GPR101: variants seen among roughly 807,000 people sequenced by gnomAD.
The protein encoded by GPR101 is G protein-coupled receptor 101.
In GPR101, 8 loss-of-function variants were observed where a neutral mutation model predicts 16.4. The ratio of observed to expected loss-of-function variants is 0.49; its 90% CI spans 0.29 to 0.88. The LOEUF (loss-of-function observed/expected upper bound fraction) is 0.88, where lower values mean the gene tolerates loss of function less well. Ranked by LOEUF, GPR101 falls within the 40% of genes least tolerant of loss-of-function variation. The probability of loss-of-function intolerance (pLI) is 0.09; values close to 1 mark genes in which losing one functional copy is unlikely to be tolerated. For synonymous variants in GPR101, 155 were observed against 168.7 expected, an observed-to-expected ratio of 0.92 and a Z score of 0.63; for missense variants, 375 against 411.7, an observed-to-expected ratio of 0.91 and a Z score of 0.77.
chrX:137,033,691 G>C (rs1251371573), intron 1 of GPR101, among the ~76,000 whole-genome samples, 111 bp downstream of exon 1: 7 of 112,528 alleles, frequency 6.2e-5, no homozygotes, highest in Non-Finnish European at 1.1e-4. Flanking sequence ...ACCGCGCCTG[G>C]TAGCTCAGCA....
At position 137,030,315 on chromosome X, in the gene GPR101, A is replaced by G; in HGVS notation, c.1360T>C (p.Tyr454His). ...TTAATGGTCTTGTGCATGTAGCCATAGACATAGGGGTGGATGCAGCACTGC... is the reference window on the plus strand; with the variant it reads ...TTAATGGTCTTGTGCATGTAGCCATGGACATAGGGGTGGATGCAGCACTGC... ...FLQCCIHPYV[Y>H]GYMHKTIKKE... is the part of the protein sequence containing the mutation. Residue 454 changes from tyrosine to histidine, a missense_variant, in exon 2 of 2, where the codon TAT becomes CAT. By Grantham distance (83) the Tyr-to-His change is moderately conservative. Transcript: ENST00000651716. 8.3e-7 allele frequency: 1 copy of G among 1,211,185 alleles called. No homozygotes were observed. Among genetic ancestry groups the G allele is most frequent in the Non-Finnish European group, 1.1e-6 (1 of 895,273 alleles).
chrX:137,030,942 C>T lies in GPR101; in HGVS notation c.733G>A (p.Glu245Lys). The stretch of plus-strand genomic sequence containing the variant: ...TTCTTCTCTGCTCCCTCTTCATCCT[C>T]ATTCTCCACACAGTCCTTGACTCGC... Reference protein sequence around the residue: ...EVRVKDCVENEDEEGAEKKEE... With the variant: ...EVRVKDCVENKDEEGAEKKEE... Residue 245 changes from glutamate (E) to lysine (K), a missense_variant, in exon 2 of 2, where the codon GAG becomes AAG. By Grantham distance (56) the Glu-to-Lys change is moderately conservative. Coordinates refer to ENST00000651716, the MANE Select transcript of GPR101 (RefSeq NM_054021.2). 8.3e-7 allele frequency: 1 copy of T among 1,212,102 alleles called. No homozygotes were observed.
Position 137,030,305 on chromosome X carries a change from A to T in GPR101, c.1370T>A (p.Met457Lys), listed in dbSNP as rs1422622910. ...CCIHPYVYGY[M>K]HKTIKKEIQD... ...GATTTCCTTCTTAATGGTCTTGTGC[A>T]TGTAGCCATAGACATAGGGGTGGAT... Residue 457 changes from methionine to lysine, a missense_variant, in exon 2 of 2, where the codon ATG becomes AAG. Coordinates refer to ENST00000651716, the MANE Select transcript of GPR101 (RefSeq NM_054021.2). 7 of 1,211,436 alleles carry T rather than the reference A, an allele frequency of 5.8e-6. No individual in the cohort carries two copies. Among genetic ancestry groups the T allele is most frequent in the Non-Finnish European group, 7.8e-6 (7 of 895,384 alleles).
rs1446765696 is a variant in GPR101 at position 137,031,182 on chromosome X, G to C, written c.493C>G (p.Pro165Ala). The change falls in exon 2 of 2, where the codon CCT becomes GCT. Residue 165 changes from proline (P) to alanine (A), a missense_variant. Coordinates refer to ENST00000651716, the MANE Select transcript of GPR101 (RefSeq NM_054021.2). Reference protein sequence around the residue: ...TWIVAILQSTPPLYGWGQAAF... With the variant: ...TWIVAILQSTAPLYGWGQAAF... ...GCCTGGCCCCAGCCGTAGAGTGGAGGAGTGCTCTGCAGGATGGCCACAATC... is the reference window on the plus strand; with the variant it reads ...GCCTGGCCCCAGCCGTAGAGTGGAGCAGTGCTCTGCAGGATGGCCACAATC... 11 of 1,212,079 alleles carry C rather than the reference G, an allele frequency of 9.1e-6. 1 individual carries two copies. In the South Asian group the frequency reaches 1.9e-4, roughly 21 times the overall value.
In GPR101 at chrX:137,030,618, T is replaced by G. The variant is rs759734025; in HGVS notation, c.1057A>C (p.Met353Leu). 8.3e-7 allele frequency: 1 copy of G among 1,211,594 alleles called. No homozygotes were observed. The highest frequency in any genetic ancestry group is 2.2e-5 in the Admixed American group (1 of 46,083). Residue 353 changes from methionine (M) to leucine (L), a missense_variant, in exon 2 of 2, where the codon ATG becomes CTG. Coordinates refer to ENST00000651716, the MANE Select transcript of GPR101 (RefSeq NM_054021.2). Reference protein sequence around the residue: ...QCSIDLGEDDMEFGEDDINFS... With the variant: ...QCSIDLGEDDLEFGEDDINFS... ...TTGATGTCGTCTTCACCAAACTCCA[T>G]GTCATCTTCACCCAAGTCAATGCTG...
chrX:137,027,957 A>G lies in GPR101; in HGVS notation c.*2191T>C, dbSNP rs58312253. 0.014 allele frequency among the ~76,000 whole-genome samples: 1,544 copies of G among 112,428 alleles called. 31 individuals carry two copies. The highest frequency in any genetic ancestry group is 0.046 in the African/African-American group (1,419 of 30,942). On this transcript the variant is annotated 3_prime_UTR_variant, in exon 2 of 2. Coordinates refer to ENST00000651716, the MANE Select transcript of GPR101 (RefSeq NM_054021.2). ...CAAAGGATAGGCTATAGCTACCTTGAACTCCTTTGACAATTTGAACAGACC... is the reference window on the plus strand; with the variant it reads ...CAAAGGATAGGCTATAGCTACCTTGGACTCCTTTGACAATTTGAACAGACC...
In GPR101 at chrX:137,031,681, A is replaced by T. The variant is rs1286329625; in HGVS notation, c.-7T>A. On this transcript the variant is annotated 5_prime_UTR_variant, in exon 2 of 2. Transcript: ENST00000651716. ...TGGTGCAGGTGGACGTCATGGCAAC[A>T]GCCAGAGGGCGTGAGACAGGTTGCA... 1 of 1,174,134 alleles carries T rather than the reference A, an allele frequency of 8.5e-7. No individual in the cohort carries two copies.
At position 137,029,997 on chromosome X, in the gene GPR101, A is replaced by AT; in HGVS notation, c.*150dup. The AT allele has an allele frequency of 2.3e-6, 1 of 443,813 alleles. No homozygotes were observed. Among genetic ancestry groups the AT allele is most frequent in the Non-Finnish European group, 3.7e-6 (1 of 272,993 alleles). 36.6% of individuals were successfully genotyped at this position (443,813 alleles called of 1,213,427 possible). On this transcript the variant is annotated 3_prime_UTR_variant, in exon 2 of 2. Transcript: ENST00000651716. The stretch of plus-strand genomic sequence containing the variant: ...ACCCCAGTTCCTGCCTCTTCTATAT[A>AT]TTTATCTACCTTGTGGTGAAGAGCA...
At position 137,031,543 on chromosome X, in the gene GPR101, G is replaced by A. The variant is rs1357002085; in HGVS notation, c.132C>T (p.Ala44=). ...CCAGCACTATGTTGCCGACGAAAGA[G>A]GCGGCGAGGAAGATAACCAGCACGG... ...RSTVLVIFLA[A]SFVGNIVLAL... The change falls in exon 2 of 2, where the codon GCC becomes GCT. Residue 44 remains alanine (A), a synonymous_variant. Transcript: ENST00000651716. The A allele has an allele frequency of 8.3e-7, 1 of 1,211,675 alleles. No individual in the cohort carries two copies. The highest frequency in any genetic ancestry group is 1.1e-6 in the Non-Finnish European group (1 of 895,483).
chrX:137,031,043 C>G lies in GPR101; in HGVS notation c.632G>C (p.Cys211Ser). Residue 211 changes from cysteine (C) to serine (S), a missense_variant, in exon 2 of 2, where the codon TGC (cysteine) becomes TCC (serine). Coordinates refer to ENST00000651716, the MANE Select transcript of GPR101 (RefSeq NM_054021.2). Reference sequence around the variant, plus strand: ...GGCTGCACAGAACACCACGGAGTAGCAGGCAATCATGACAATCAGTGGAAT... The same window carrying G: ...GGCTGCACAGAACACCACGGAGTAGGAGGCAATCATGACAATCAGTGGAAT... ...IVIPLIVMIA[C>S]YSVVFCAARR... 8.2e-7 allele frequency: 1 copy of G among 1,212,233 alleles called. No individual in the cohort carries two copies. The highest frequency in any genetic ancestry group is 1.8e-5 in the South Asian group (1 of 57,019).
At chrX:137,033,163 C>T in intron 1 of GPR101, among the ~76,000 whole-genome samples, 1 of 110,542 alleles carries the variant, frequency 9.0e-6, no homozygotes, top group Non-Finnish European at 1.9e-5. Context: ...CTCCCCTACC[C>T]TCACCCTCCA....
rs1023685607 is a variant in GPR101, at chrX:137,028,165, GC to G, written c.*1982del. Among the ~76,000 whole-genome samples the G allele has an allele frequency of 2.7e-5, 3 of 112,134 alleles. No individual in the cohort carries two copies. The highest frequency in any genetic ancestry group is 2.8e-4 in the East Asian group (1 of 3,594). On this transcript the variant is annotated 3_prime_UTR_variant, in exon 2 of 2. Coordinates refer to ENST00000651716, the MANE Select transcript of GPR101 (RefSeq NM_054021.2). ...AATGATAGTGTAAGGGTAAACTTTA[GC>G]CCCCATGCCTTGTCTGAATAACTAC... is the stretch of plus-strand genomic sequence containing the variant.
intron 1 of GPR101, among the ~76,000 whole-genome samples, chrX:137,032,227 GTC>G (rs1453147953): frequency 9.0e-6 from 1 of 110,622 alleles, no homozygotes; most frequent in Non-Finnish European, 1.9e-5. Context: ...ACTTATGTCT[GTC>G]TCTGTTTCTC....
In GPR101 at chrX:137,024,635, C is replaced by A. The variant is rs1186288137; in HGVS notation, c.*5513G>T. On this transcript the variant is annotated 3_prime_UTR_variant, in exon 2 of 2. Coordinates refer to ENST00000651716, the MANE Select transcript of GPR101 (RefSeq NM_054021.2). Reference sequence around the variant, plus strand: ...TGACACAAATTCCATTGATACAGTACTGTAACTATCAAACACCGTAGCTGT... The same window carrying A: ...TGACACAAATTCCATTGATACAGTAATGTAACTATCAAACACCGTAGCTGT... Among the ~76,000 whole-genome samples, 1 of 110,337 alleles carries A rather than the reference C, an allele frequency of 9.1e-6. No homozygotes were observed. The highest frequency in any genetic ancestry group is 1.9e-5 in the Non-Finnish European group (1 of 52,940).
At position 137,026,756 on chromosome X, in the gene GPR101, A is replaced by G. The variant is rs1927174517; in HGVS notation, c.*3392T>C. 9.0e-6 allele frequency among the ~76,000 whole-genome samples: 1 copy of G among 111,382 alleles called. No homozygotes were observed. On this transcript the variant is annotated 3_prime_UTR_variant, in exon 2 of 2. Coordinates refer to ENST00000651716, the MANE Select transcript of GPR101 (RefSeq NM_054021.2). ...CACTTTTCCTTACCTGTTGAATTTG[A>G]AGTAGGTATCCCGTCATCTCTAAAT...
rs1367956045 is a variant in GPR101 at position 137,029,485 on chromosome X, T to C, written c.*663A>G. Among the ~76,000 whole-genome samples, 1 of 112,506 alleles carries C rather than the reference T, an allele frequency of 8.9e-6. No individual in the cohort carries two copies. The highest frequency in any genetic ancestry group is 3.2e-5 in the African/African-American group (1 of 30,940). The stretch of plus-strand genomic sequence containing the variant: ...TCCAGATGTGTGTTATTTCTCAATC[T>C]TTTCCCTTGGACTAGCTTCCCATTT... On this transcript the variant is annotated 3_prime_UTR_variant, in exon 2 of 2. Transcript: ENST00000651716.
At position 137,025,728 on chromosome X, in the gene GPR101, T is replaced by G. The variant is rs915336146; in HGVS notation, c.*4420A>C. Among the ~76,000 whole-genome samples the G allele has an allele frequency of 2.7e-5, 3 of 112,205 alleles. No homozygotes were observed. Among genetic ancestry groups the G allele is most frequent in the Non-Finnish European group, 5.6e-5 (3 of 53,256 alleles). On this transcript the variant is annotated 3_prime_UTR_variant, in exon 2 of 2. Coordinates refer to ENST00000651716, the MANE Select transcript of GPR101 (RefSeq NM_054021.2). ...TCGTTTACCTTGAGGATTCTTATTCTATTTACCAAAGAGCAGTGAACTTGT... is the reference window on the plus strand; with the variant it reads ...TCGTTTACCTTGAGGATTCTTATTCGATTTACCAAAGAGCAGTGAACTTGT...
chrX:137,030,704 C>T lies in GPR101; in HGVS notation c.971G>A (p.Ser324Asn). 1 of 1,211,363 alleles carries T rather than the reference C, an allele frequency of 8.3e-7. No individual in the cohort carries two copies. Among genetic ancestry groups the T allele is most frequent in the Non-Finnish European group, 1.1e-6 (1 of 895,377 alleles). ...CATGCTGTTCTCCTCAACTTTGGTG[C>T]TGCCTTCCTTACCCTCCATGCTGCC... The part of the protein sequence containing the change: ...SDGSMEGKEG[S>N]TKVEENSMKA... Residue 324 changes from serine to asparagine, a missense_variant, in exon 2 of 2, where the codon AGC (serine) becomes AAC (asparagine). Physicochemically the swap from Ser to Asn is conservative, Grantham distance 46. Transcript: ENST00000651716.
Position 137,029,520 on chromosome X carries a change from CCTT to C in GPR101, c.*625_*627del, listed in dbSNP as rs1927217320. Among the ~76,000 whole-genome samples, 1 of 112,183 alleles carries C rather than the reference CCTT, an allele frequency of 8.9e-6. No individual in the cohort carries two copies. Among genetic ancestry groups the C allele is most frequent in the Non-Finnish European group, 1.9e-5 (1 of 53,246 alleles). On this transcript the variant is annotated 3_prime_UTR_variant, in exon 2 of 2. Coordinates refer to ENST00000651716, the MANE Select transcript of GPR101 (RefSeq NM_054021.2). ...GACTAGCTTCCCATTTCATACATGT[CCTT>C]CTACTTTTCTGGATCCCTTTAGGGG...
Sources: gnomAD v4.1 joint callset for allele counts (sites outside exome capture counted in the v4.1 genomes callset) on GRCh38, gnomAD v4.1.1 for gene constraint, MANE v1.5 for transcripts, NCBI Gene and HGNC (gene_info 2026-07-23, HGNC 2026-07-21) for gene names.